Variants in KIAA0319 observed in about 807,000 individuals in gnomAD.
KIAA0319 encodes the protein KIAA0319, also known as dyslexia-associated protein KIAA0319.
Under a neutral mutation model 108.4 loss-of-function variants are expected in KIAA0319, and 83 were observed. That is an observed-to-expected ratio of 0.77 (90% CI 0.64 to 0.92). The LOEUF (loss-of-function observed/expected upper bound fraction) is 0.92. Ranked by LOEUF, KIAA0319 falls within the 40% of genes least tolerant of loss-of-function variation. The pLI is 0.00. For missense variants in KIAA0319, 1,195 were observed against 1,322.4 expected (o/e 0.90, Z 1.49); for synonymous variants, 484 against 510.4 (o/e 0.95, Z 0.70).
chr6:24,582,931 G>A, intron 5 of KIAA0319: 1 of 259,194 alleles, frequency 3.9e-6, no homozygotes, highest in Non-Finnish European at 6.0e-6. Flanking sequence ...CACCTCAAAG[G>A]ATTAAAATGC....
At chr6:24,590,977 C>T (rs1768378901) in intron 3 of KIAA0319, among the ~76,000 whole-genome samples, 1 of 152,164 alleles carries the variant, frequency 6.6e-6, no homozygotes, top group Non-Finnish European at 1.5e-5. Context: ...ACCTGGGCCT[C>T]GTCAGCAAAA....
intron 11 of KIAA0319, among the ~76,000 whole-genome samples, chr6:24,570,546 C>A (rs1176013870): frequency 2.0e-5 from 3 of 150,734 alleles, no homozygotes; most frequent in African/African-American, 7.3e-5. Context: ...CAAGATTGTG[C>A]CACTGCACTC....
intron 20 of KIAA0319, among the ~76,000 whole-genome samples, chr6:24,547,644 C>T (rs1406305347): frequency 6.6e-6 from 1 of 152,220 alleles, no homozygotes; most frequent in African/African-American, 2.4e-5. Flanking sequence ...AAAGCATCTA[C>T]CCCATGAGTT....
rs747342245 is a variant in KIAA0319, at chr6:24,596,288, A to G, written c.386T>C (p.Ile129Thr). 3 of 1,614,090 alleles carry G rather than the reference A, an allele frequency of 1.9e-6. No homozygotes were observed. In the South Asian group the frequency reaches 3.3e-5, roughly 18 times the overall value. The part of the protein sequence containing the change: ...MMLNRGSPSG[I>T]WGDSPEDIRK... Reference sequence around the variant, plus strand: ...GATATCCTCAGGTGAGTCCCCCCAGATCCCCGAGGGGGAGCCCCTGTTCAG... The same window carrying G: ...GATATCCTCAGGTGAGTCCCCCCAGGTCCCCGAGGGGGAGCCCCTGTTCAG... The change falls in exon 3 of 21, where the codon ATC (isoleucine) becomes ACC (threonine). Residue 129 changes from isoleucine to threonine, a missense_variant. Ile to Thr is a moderately conservative substitution (Grantham distance 89). Transcript: ENST00000378214.
chr6:24,612,436 G>A (rs533538398), intron 1 of KIAA0319, among the ~76,000 whole-genome samples: 1 of 152,276 alleles, frequency 6.6e-6, no homozygotes, highest in South Asian at 2.1e-4. Flanking sequence ...GGGTGACAGA[G>A]TGAGACCCTG....
chr6:24,597,111 T>A (rs1769769955), intron 2 of KIAA0319, among the ~76,000 whole-genome samples: 1 of 152,226 alleles, frequency 6.6e-6, no homozygotes, highest in South Asian at 2.1e-4. Flanking sequence ...TTCCATTTGT[T>A]ATTTTTTCAT....
At position 24,609,273 on chromosome 6, in the gene KIAA0319, C is replaced by G. The variant is rs561059876; in HGVS notation, c.-105-8065G>C. On this transcript the variant is annotated intron_variant, in intron 1 of 20. Coordinates refer to ENST00000378214, the MANE Select transcript of KIAA0319 (RefSeq NM_014809.4). ...ACAGAGCCAGACCCTGTCTCAAAAA[C>G]AAAAAAAAAAAAAAAAGAAAAAAAA... Among the ~76,000 whole-genome samples the G allele has an allele frequency of 4.2e-3, 317 of 74,856 alleles. 1 individual carries two copies. The highest frequency in any genetic ancestry group is 6.8e-3 in the Non-Finnish European group (242 of 35,598). 49.1% of individuals were successfully genotyped at this position (74,856 alleles called of 152,430 possible).
At chr6:24,594,355 G>A (rs570978311) in intron 3 of KIAA0319, among the ~76,000 whole-genome samples, 1 of 151,822 alleles carries the variant, frequency 6.6e-6, no homozygotes, top group Non-Finnish European at 1.5e-5. Context: ...GCTGGGCACG[G>A]TGGCTCATGC....
At chr6:24,601,379 T>C (rs1770600531) in intron 1 of KIAA0319, 171 bp from the exon 2 acceptor site, 1 of 926,864 alleles carries the variant, frequency 1.1e-6, no homozygotes, top group Non-Finnish European at 1.3e-6. Flanking sequence ...ATAGCCAGTA[T>C]AGTTCCTAAG....
chr6:24,585,129 A>G (rs1195732847), intron 4 of KIAA0319, among the ~76,000 whole-genome samples: 1 of 152,124 alleles, frequency 6.6e-6, no homozygotes, highest in African/African-American at 2.4e-5. Flanking sequence ...AATCCTCACC[A>G]CAGCCTCTGC....
At chr6:24,572,721 A>C (rs757854497) in intron 10 of KIAA0319, 23 bp from the exon 11 acceptor site, 2 of 1,582,008 alleles carry the variant, frequency 1.3e-6, no homozygotes, top group Non-Finnish European at 1.7e-6. Context: ...AAATACAAAA[A>C]TAAAAACAAA....
chr6:24,569,795 G>T, intron 12 of KIAA0319, 108 bp downstream of exon 12: 2 of 1,338,114 alleles, frequency 1.5e-6, no homozygotes, highest in Non-Finnish European at 2.1e-6. Context: ...CTTAAATCCC[G>T]ACTCCTCAAA....
intron 14 of KIAA0319, 103 bp from the exon 15 acceptor site, chr6:24,564,443 C>T (rs1763612942): frequency 2.1e-6 from 3 of 1,455,134 alleles, no homozygotes; most frequent in African/African-American, 1.4e-5. Context: ...TTAACACAGG[C>T]GTGACTTTAA....
chr6:24,573,975 C>T (rs1225904715), intron 10 of KIAA0319, among the ~76,000 whole-genome samples: 1 of 151,876 alleles, frequency 6.6e-6, no homozygotes, highest in South Asian at 2.1e-4. Context: ...ATTATTCGGG[C>T]GTGGTGGCAG....
At chr6:24,547,886 G>T (rs1402210192) in intron 20 of KIAA0319, among the ~76,000 whole-genome samples, 1 of 152,300 alleles carries the variant, frequency 6.6e-6, no homozygotes, top group Admixed American at 6.5e-5. Flanking sequence ...ACATAGACTT[G>T]GCTGGGCATG....
rs1005992286 is a variant in KIAA0319, at chr6:24,544,728, A to G, written c.*2437T>C. ...TTCTAGGGCCTGTTTTTCTCTGTCC[A>G]GAGCTCTTAGCGTGCTTTATCTCCC... On this transcript the variant is annotated 3_prime_UTR_variant, in exon 21 of 21. Transcript: ENST00000378214. 1.3e-5 allele frequency: 2 copies of G among 152,214 alleles called. No individual in the cohort carries two copies. The highest frequency in any genetic ancestry group is 4.8e-5 in the African/African-American group (2 of 41,442). The allele number at this position is 152,214 out of a possible 1,614,324, so 9.4% of individuals were successfully genotyped here. A position where few individuals can be genotyped will look rare whatever the true frequency, so the allele number is the denominator to read the frequency against.
intron 17 of KIAA0319, among the ~76,000 whole-genome samples, chr6:24,558,406 T>TAGATAGAC (rs1285179829): frequency 6.8e-6 from 1 of 147,176 alleles, no homozygotes; most frequent in Non-Finnish European, 1.5e-5. Flanking sequence ...GATAGATAGA[T>TAGATAGAC]ATCTGAAACA....
chr6:24,638,947 A>G (rs951043240), intron 1 of KIAA0319, among the ~76,000 whole-genome samples: 5 of 152,188 alleles, frequency 3.3e-5, no homozygotes, highest in African/African-American at 1.2e-4. Context: ...GAAACAGTCA[A>G]TAAATAAATA....
intron 1 of KIAA0319, among the ~76,000 whole-genome samples, chr6:24,610,141 GAA>G (rs1475723339): frequency 2.0e-5 from 3 of 152,110 alleles, no homozygotes; most frequent in Non-Finnish European, 4.4e-5. Context: ...TCAAGAAAGT[GAA>G]AAGACAGCCC....
Sources: gnomAD v4.1 joint callset for allele counts (sites outside exome capture counted in the v4.1 genomes callset) on GRCh38, gnomAD v4.1.1 for gene constraint, MANE v1.5 for transcripts, NCBI Gene and HGNC (gene_info 2026-07-23, HGNC 2026-07-21) for gene names.